Variants in MICAL2 observed in about 807,000 individuals in gnomAD.
The protein encoded by MICAL2 is [F-actin]-monooxygenase MICAL2.
In MICAL2, 77 loss-of-function variants were observed where a neutral mutation model predicts 127.3. The observed-to-expected ratio is 0.60, with a 90% CI of 0.50 to 0.73. MICAL2 has a LOEUF of 0.73. MICAL2 is among the 30% of genes least tolerant of loss of function. The pLI, the probability that MICAL2 is intolerant of heterozygous loss-of-function variation, is 0.00. For synonymous variants in MICAL2, 570 were observed against 551.1 expected (o/e 1.03, Z -0.48); for missense variants, 1,351 against 1,434.4 (o/e 0.94, Z 0.94).
At chr11:12,213,105 G>A (rs140885178) in intron 6 of MICAL2, 150 bp from the exon 7 acceptor site, 31 of 861,536 alleles carry the variant, frequency 3.6e-5, no homozygotes, top group Middle Eastern at 7.8e-4. Context: ...AGCAAACTTC[G>A]GTATTTCTGC....
intron 4 of MICAL2, among the ~76,000 whole-genome samples, chr11:12,206,466 T>C (rs1313107020): frequency 6.6e-6 from 1 of 152,166 alleles, no homozygotes; most frequent in Non-Finnish European, 1.5e-5. Context: ...TACTGTGTGC[T>C]GGAACCGTAC....
chr11:12,243,598 G>A (rs1409660710), intron 20 of MICAL2, among the ~76,000 whole-genome samples: 1 of 152,188 alleles, frequency 6.6e-6, no homozygotes, highest in Non-Finnish European at 1.5e-5. Flanking sequence ...TGCAGCTATA[G>A]AGGCCCCTGC....
downstream of MICAL2, among the ~76,000 whole-genome samples, chr11:12,267,703 G>C (rs1422606247): frequency 2.6e-5 from 4 of 152,168 alleles, no homozygotes; most frequent in Admixed American, 2.6e-4. Context: ...CTGGATTCAA[G>C]TGATTCTTAT....
chr11:12,166,242 G>C (rs1483277925), intron 3 of MICAL2, among the ~76,000 whole-genome samples: 1 of 152,180 alleles, frequency 6.6e-6, no homozygotes, highest in East Asian at 1.9e-4. Flanking sequence ...ACAAACTGAG[G>C]TCCAGAAAGC....
At chr11:12,270,220 G>A (rs377403676) in intron 24 of MICAL2, among the ~76,000 whole-genome samples, 5 of 152,178 alleles carry the variant, frequency 3.3e-5, no homozygotes, top group African/African-American at 1.2e-4. Flanking sequence ...TCTTATAAGA[G>A]GGCAGGGAGG....
At chr11:12,294,538 T>C (rs3812753), downstream of MICAL2, 1 of 1,614,062 alleles carries the variant, frequency 6.2e-7, no homozygotes, top group Admixed American at 1.7e-5. Flanking sequence ...AGATTGAAGA[T>C]GTCCCCACAC....
intron 26 of MICAL2, 174 bp downstream of exon 26, chr11:12,260,071 G>A: frequency 6.5e-7 from 1 of 1,537,910 alleles, no homozygotes; most frequent in Non-Finnish European, 8.7e-7. Flanking sequence ...ACTCCTCTGG[G>A]CGTTCTCTGA....
chr11:12,324,769 C>T (rs947042573), intron 31 of MICAL2, among the ~76,000 whole-genome samples: 1 of 152,212 alleles, frequency 6.6e-6, no homozygotes, highest in African/African-American at 2.4e-5. Flanking sequence ...TAATCCTATA[C>T]ACTATTTCTG....
At chr11:12,188,418 C>CT (rs1414719547) in intron 3 of MICAL2, among the ~76,000 whole-genome samples, 1 of 152,000 alleles carries the variant, frequency 6.6e-6, no homozygotes, top group Non-Finnish European at 1.5e-5. Context: ...TATTTGAAGA[C>CT]TTTTTTTTAT....
chr11:12,137,122 A>T (rs1370008000), intron 1 of MICAL2, among the ~76,000 whole-genome samples: 1 of 152,230 alleles, frequency 6.6e-6, no homozygotes, highest in Non-Finnish European at 1.5e-5. Context: ...CCTGCAGCAC[A>T]GGCTGATAGA....
chr11:12,314,076 GTGTC>G (rs1269836825), intron 29 of MICAL2, among the ~76,000 whole-genome samples: 1 of 142,602 alleles, frequency 7.0e-6, no homozygotes, highest in African/African-American at 2.6e-5. Context: ...TATATTTAAA[GTGTC>G]TGTCCTATAA....
At chr11:12,119,928 C>A (rs1249658005) in intron 1 of MICAL2, among the ~76,000 whole-genome samples, 2 of 152,224 alleles carry the variant, frequency 1.3e-5, no homozygotes, top group African/African-American at 4.8e-5. Context: ...GGTCACCCAG[C>A]CAGGTCAGAG....
chr11:12,289,569 T>G (rs1283555504), downstream of MICAL2, among the ~76,000 whole-genome samples: 3 of 147,680 alleles, frequency 2.0e-5, no homozygotes, highest in South Asian at 2.2e-4. Context: ...TTTTTTTGTT[T>G]TTTTTTTTTT....
At chr11:12,116,351 ATTTTTTT>A (rs56280931) in intron 1 of MICAL2, among the ~76,000 whole-genome samples, 2,804 of 107,758 alleles carry the variant, frequency 0.026, 131 homozygotes, top group African/African-American at 0.1. Context: ...CTTGATTTTG[ATTTTTTT>A]TTTTTTTTTT....
At chr11:12,116,009 CT>C (rs1474928646) in intron 1 of MICAL2, among the ~76,000 whole-genome samples, 1 of 138,750 alleles carries the variant, frequency 7.2e-6, no homozygotes, top group Non-Finnish European at 1.5e-5. Context: ...GAGATGGAGT[CT>C]CGCTCTTTCA....
At chr11:12,159,450 G>A (rs1228747110) in intron 2 of MICAL2, among the ~76,000 whole-genome samples, 1 of 152,182 alleles carries the variant, frequency 6.6e-6, no homozygotes, top group African/African-American at 2.4e-5. Context: ...CTGAGTGCCT[G>A]CCAGGACCTG....
intron 2 of MICAL2, among the ~76,000 whole-genome samples, chr11:12,160,802 A>ACGTATTCC: frequency 6.6e-6 from 1 of 152,308 alleles, no homozygotes. Context: ...GCCTGAGCCT[A>ACGTATTCC]CGTATTCCCG....
chr11:12,292,257 G>C, downstream of MICAL2: 5 of 1,614,006 alleles, frequency 3.1e-6, no homozygotes, highest in Non-Finnish European at 4.2e-6. Context: ...TCTTCAACCA[G>C]TGTTTCTGGG....
At chr11:12,240,918 TGC>T in intron 17 of MICAL2, 120 bp from the exon 18 acceptor site, 11 of 1,307,846 alleles carry the variant, frequency 8.4e-6, no homozygotes, top group Non-Finnish European at 1.2e-5. Context: ...GTGCTTCCTC[TGC>T]ACTTGCAACC....
Sources: allele counts gnomAD v4.1 joint callset (sites outside exome capture counted in the v4.1 genomes callset), GRCh38; gene constraint gnomAD v4.1.1; transcripts MANE v1.5; gene names NCBI Gene and HGNC (gene_info 2026-07-23, HGNC 2026-07-21).